TUT4: variants seen among roughly 807,000 people sequenced by gnomAD.
TUT4 encodes terminal uridylyl transferase 4, also known as terminal uridylyltransferase 4.
TUT4 carries 36 observed loss-of-function variants against 192.2 expected under a neutral mutation model. The ratio of observed to expected loss-of-function variants is 0.19; its 90% confidence interval spans 0.14 to 0.25. TUT4 has a LOEUF of 0.25. Ranked by LOEUF, TUT4 falls within the 10% of genes least tolerant of loss-of-function variation. The pLI is 1.00. For missense variants in TUT4, 1,493 were observed against 1,957.2 expected (o/e 0.76, Z 4.47); for synonymous variants, 618 against 666.0 (o/e 0.93, Z 1.11).
chr1:52,515,726 G>C, intron 3 of TUT4, 165 bp downstream of exon 3: 1 of 777,242 alleles, frequency 1.3e-6, no homozygotes. Context: ...AGAGAGGCAA[G>C]GAAGAAAAGA....
At chr1:52,486,643 A>C (rs2149031104) in intron 9 of TUT4, among the ~76,000 whole-genome samples, 1 of 152,324 alleles carries the variant, frequency 6.6e-6, no homozygotes, top group Admixed American at 6.5e-5. Context: ...TACCATGAAA[A>C]AACTTTCTTT....
At chr1:52,515,562 C>T (rs1393688900) in intron 3 of TUT4, 3 of 430,208 alleles carry the variant, frequency 7.0e-6, no homozygotes, top group Admixed American at 3.9e-5. Flanking sequence ...AACAAATAGG[C>T]ATGGCTATAT....
intron 2 of TUT4, among the ~76,000 whole-genome samples, chr1:52,516,427 G>A (rs767527422): frequency 6.6e-6 from 1 of 152,182 alleles, no homozygotes; most frequent in Non-Finnish European, 1.5e-5. Context: ...AAGAAGATTA[G>A]TCACTGAACT....
intron 19 of TUT4, among the ~76,000 whole-genome samples, chr1:52,459,046 G>A (rs74878254): frequency 0.012 from 1,806 of 152,208 alleles, 47 homozygotes; most frequent in African/African-American, 0.042. Context: ...TGATGGTCTC[G>A]TGGTTAGGAT....
chr1:52,521,430 C>T (rs886483535), intron 2 of TUT4, among the ~76,000 whole-genome samples: 2 of 151,862 alleles, frequency 1.3e-5, no homozygotes, highest in Admixed American at 6.6e-5. Flanking sequence ...TTTGGGAGGC[C>T]GAGGCAGGCA....
In TUT4 at chr1:52,526,189, T is replaced by G; in HGVS notation, c.92A>C (p.Asn31Thr). 6.2e-7 allele frequency: 1 copy of G among 1,611,436 alleles called. No individual in the cohort carries two copies. Among genetic ancestry groups the G allele is most frequent in the Admixed American group, 1.7e-5 (1 of 59,830 alleles). ...ATCATTTCTAGCTTTCAATGTTTGATTACCTATAACTTGAACTGCTTTGCT... is the reference window on the plus strand; with the variant it reads ...ATCATTTCTAGCTTTCAATGTTTGAGTACCTATAACTTGAACTGCTTTGCT... Reference protein sequence around the residue: ...EESKAVQVIGNQTLKARNDKS... With the variant: ...EESKAVQVIGTQTLKARNDKS... The change falls in exon 2 of 30, where the codon AAT becomes ACT. Residue 31 changes from asparagine (N) to threonine (T), a missense_variant. This residue lies in a region of TUT4 where 260 missense variants were observed against 247.8 expected (regional missense o/e 1.05). Coordinates refer to ENST00000257177, the MANE Select transcript of TUT4 (RefSeq NM_001009881.3).
intron 4 of TUT4, among the ~76,000 whole-genome samples, chr1:52,506,060 C>T (rs904489463): frequency 8.6e-5 from 13 of 151,260 alleles, no homozygotes; most frequent in African/African-American, 2.7e-4. Flanking sequence ...TCAGGTGATC[C>T]GCCCTCCTCA....
intron 4 of TUT4, among the ~76,000 whole-genome samples, chr1:52,501,437 G>A (rs530650819): frequency 6.6e-6 from 1 of 151,552 alleles, no homozygotes; most frequent in Non-Finnish European, 1.5e-5. Context: ...TGCTATTATG[G>A]GGGGGCGGGG....
At chr1:52,512,288 A>C (rs1677397516) in intron 3 of TUT4, among the ~76,000 whole-genome samples, 1 of 152,172 alleles carries the variant, frequency 6.6e-6, no homozygotes, top group African/African-American at 2.4e-5. Flanking sequence ...GCTCATCTTT[A>C]TTTCTTACTA....
rs551686933 is a variant in TUT4 at position 52,549,670 on chromosome 1, C to A, written c.-94+3261G>T. Reference sequence around the variant, plus strand: ...CACCTGAAAAGCAACATCACATATACATTATATTAGGAAGAGAGATCTGCT... The same window carrying A: ...CACCTGAAAAGCAACATCACATATAAATTATATTAGGAAGAGAGATCTGCT... On this transcript the variant is annotated intron_variant, in intron 1 of 29. Transcript: ENST00000257177. 1.3e-4 allele frequency among the ~76,000 whole-genome samples: 20 copies of A among 152,244 alleles called. No individual in the cohort carries two copies. In the South Asian group the frequency reaches 4.1e-3, roughly 32 times the overall value.
chr1:52,464,306 G>C (rs1346581286), intron 16 of TUT4, among the ~76,000 whole-genome samples: 2 of 151,966 alleles, frequency 1.3e-5, no homozygotes, highest in Admixed American at 6.6e-5. Flanking sequence ...CCAGGCTGGA[G>C]TGCAGTGGCG....
Position 52,438,306 on chromosome 1 carries a change from T to C in TUT4, c.3852A>G (p.Thr1284=). The part of the protein sequence containing the change: ...AEYFFDSRVL[T]DGELAPNDRC... ...TATCATTGGGAGCCAGTTCTCCATC[T>C]GTTAATACTCTGGAATCAAAGAAGT... The change falls in exon 25 of 30, where the codon ACA becomes ACG. Residue 1284 remains threonine (T), a synonymous_variant. Coordinates refer to ENST00000257177, the MANE Select transcript of TUT4 (RefSeq NM_001009881.3). The C allele has an allele frequency of 6.2e-7, 1 of 1,613,674 alleles. No homozygotes were observed.
At chr1:52,458,532 T>C in intron 19 of TUT4, 83 bp from the exon 20 acceptor site, 1 of 1,047,932 alleles carries the variant, frequency 9.5e-7, no homozygotes, top group Non-Finnish European at 1.4e-6. Flanking sequence ...ACATCATTTT[T>C]TTTAACCCAC....
At chr1:52,502,780 G>A (rs1307673153) in intron 4 of TUT4, among the ~76,000 whole-genome samples, 3 of 151,674 alleles carry the variant, frequency 2.0e-5, no homozygotes, top group African/African-American at 4.9e-5. Context: ...GTGCCACCAC[G>A]CCCAGCTAAT....
intron 28 of TUT4, among the ~76,000 whole-genome samples, chr1:52,430,441 C>T (rs960491443): frequency 2.0e-5 from 3 of 152,148 alleles, no homozygotes; most frequent in Non-Finnish European, 4.4e-5. Flanking sequence ...CACCACCACA[C>T]CCAGCTAATT....
chr1:52,511,920 T>C (rs1677267348), intron 3 of TUT4, among the ~76,000 whole-genome samples: 1 of 152,156 alleles, frequency 6.6e-6, no homozygotes, highest in Non-Finnish European at 1.5e-5. Context: ...CATAATTCAA[T>C]AATCCAAAAA....
intron 24 of TUT4, among the ~76,000 whole-genome samples, chr1:52,445,041 G>A (rs370271076): frequency 8.5e-5 from 11 of 128,878 alleles, no homozygotes; most frequent in African/African-American, 2.1e-4. Context: ...ATATATATAT[G>A]TGTGTGTGTG....
intron 28 of TUT4, among the ~76,000 whole-genome samples, chr1:52,427,387 T>C (rs192259318): frequency 6.6e-6 from 1 of 152,002 alleles, no homozygotes; most frequent in East Asian, 1.9e-4. Context: ...GGGTAAGAGA[T>C]AGTACAGTAT....
At chr1:52,456,987 G>C (rs921577985) in intron 20 of TUT4, among the ~76,000 whole-genome samples, 3 of 152,092 alleles carry the variant, frequency 2.0e-5, no homozygotes, top group African/African-American at 7.2e-5. Context: ...ACTCTTTACA[G>C]TCCTCTCAAT....
Sources: gnomAD v4.1 joint callset for allele counts (sites outside exome capture counted in the v4.1 genomes callset) on GRCh38, gnomAD v4.1.1 for gene constraint, gnomAD v4.1.1 regional missense constraint, MANE v1.5 for transcripts, NCBI Gene and HGNC (gene_info 2026-07-23, HGNC 2026-07-21) for gene names.